The following SOS1 variants were observed in gnomAD, a reference collection of about 807,000 sequenced individuals.
SOS1 encodes the protein SOS Ras/Rac guanine nucleotide exchange factor 1.
A neutral mutation model predicts 157.6 loss-of-function variants in SOS1; 25 were observed. That is an observed-to-expected ratio of 0.16 (90% CI 0.12 to 0.22). The LOEUF is 0.22. Among genes scored for constraint, SOS1 ranks in the 10% least tolerant of loss-of-function variants. SOS1 has a pLI of 1.00. For missense variants in SOS1, 1,237 were observed against 1,599.1 expected (o/e 0.77, Z 3.86); for synonymous variants, 528 against 534.0 (o/e 0.99, Z 0.16).
At chr2:39,085,220 T>C (rs539859674) in intron 1 of SOS1, among the ~76,000 whole-genome samples, 2 of 152,016 alleles carry the variant, frequency 1.3e-5, no homozygotes, top group Non-Finnish European at 2.9e-5. Context: ...TAATTTTTCT[T>C]TTTTTTTGTA....
At chr2:39,030,723 T>C (rs542231923) in intron 8 of SOS1, among the ~76,000 whole-genome samples, 1 of 152,304 alleles carries the variant, frequency 6.6e-6, no homozygotes, top group South Asian at 2.1e-4. Context: ...ATGAAAGATG[T>C]ATTCAAGTCC....
At position 39,023,019 on chromosome 2, in the gene SOS1, C is replaced by T; in HGVS notation, c.1409G>A (p.Cys470Tyr). 3 of 1,613,728 alleles carry T rather than the reference C, an allele frequency of 1.9e-6. No individual in the cohort carries two copies. Among genetic ancestry groups the T allele is most frequent in the Non-Finnish European group, 2.5e-6 (3 of 1,179,752 alleles). The change falls in exon 10 of 23, where the codon TGC becomes TAC. Residue 470 changes from cysteine to tyrosine, a missense_variant. Physicochemically the swap from Cys to Tyr is radical, Grantham distance 194. Around this residue, in one of 15 missense-constraint regions of SOS1, gnomAD observed 210 missense variants for 220.2 expected, o/e 0.95. Coordinates refer to ENST00000402219, the MANE Select transcript of SOS1 (RefSeq NM_005633.4). ...HIFLFDGLMI[C>Y]CKSNHGQPRL... The stretch of plus-strand genomic sequence containing the variant: ...TGGCTGCCCATGATTTGATTTACAG[C>T]AAATCATTAAGCCATCAAAGAGAAA...
intron 1 of SOS1, among the ~76,000 whole-genome samples, chr2:39,109,233 T>C (rs1013959043): frequency 1.4e-4 from 22 of 152,020 alleles, no homozygotes; most frequent in Admixed American, 1.3e-3. Flanking sequence ...ATAAAATAAA[T>C]TAAATGTCAC....
chr2:38,988,449 T>G (rs1205517444), intron 21 of SOS1, among the ~76,000 whole-genome samples: 1 of 152,144 alleles, frequency 6.6e-6, no homozygotes, highest in Non-Finnish European at 1.5e-5. Flanking sequence ...AAAAAAGATG[T>G]GAAAAAAATA....
At chr2:39,082,852 C>G (rs1469420919) in intron 1 of SOS1, among the ~76,000 whole-genome samples, 3 of 152,078 alleles carry the variant, frequency 2.0e-5, no homozygotes, top group South Asian at 4.1e-4. Context: ...GGGGCATACA[C>G]GTAGACTGGG....
At chr2:39,098,640 A>G (rs1483551086) in intron 1 of SOS1, among the ~76,000 whole-genome samples, 1 of 152,248 alleles carries the variant, frequency 6.6e-6, no homozygotes, top group Non-Finnish European at 1.5e-5. Flanking sequence ...CTGTAATCCC[A>G]GCACTTTGGG....
chr2:39,069,732 G>A (rs574330839), intron 1 of SOS1, among the ~76,000 whole-genome samples: 11 of 152,186 alleles, frequency 7.2e-5, no homozygotes, highest in African/African-American at 2.4e-4. Flanking sequence ...ATTTTTAGTG[G>A]AGACGGGGTT....
At chr2:39,008,397 A>G (rs1245694287) in intron 15 of SOS1, among the ~76,000 whole-genome samples, 2 of 152,174 alleles carry the variant, frequency 1.3e-5, no homozygotes, top group Non-Finnish European at 2.9e-5. Context: ...CCAGCCCCAG[A>G]GCCCTGTTTC....
upstream of SOS1, among the ~76,000 whole-genome samples, chr2:39,122,383 T>C (rs1673919907): frequency 6.6e-6 from 1 of 151,372 alleles, no homozygotes; most frequent in South Asian, 2.1e-4. Flanking sequence ...TGAGCCGGGA[T>C]CATGCCACTG....
At position 39,120,650 on chromosome 2, in the gene SOS1, C is replaced by T. The variant is rs1673844473; in HGVS notation, c.-228G>A. On this transcript the variant is annotated 5_prime_UTR_variant, in exon 1 of 23. Coordinates refer to ENST00000402219, the MANE Select transcript of SOS1 (RefSeq NM_005633.4). ...ACCAGCCGTGGAGAACGGACGCGGC[C>T]CGGAGGCGGCGGCATCCCGCACCAC... The T allele has an allele frequency of 3.9e-6, 1 of 254,194 alleles. No individual in the cohort carries two copies. The allele number at this position is 254,194 out of a possible 1,614,324, so 15.7% of individuals were successfully genotyped here. A position where few individuals can be genotyped will look rare whatever the true frequency, so the allele number is the denominator to read the frequency against.
chr2:39,007,944 G>C (rs1489797537), intron 15 of SOS1, among the ~76,000 whole-genome samples: 6 of 152,122 alleles, frequency 3.9e-5, no homozygotes, highest in African/African-American at 1.4e-4. Context: ...AGAGGGGAGA[G>C]AGTCTGTGGT....
In SOS1 at chr2:38,996,948, G is replaced by C; in HGVS notation, c.3055C>G (p.Arg1019Gly). Residue 1019 changes from arginine to glycine, a missense_variant, in exon 19 of 23, where the codon CGA becomes GGA. By Grantham distance (125) the Arg-to-Gly change is moderately radical. This residue lies in a region of SOS1 where 43 missense variants were observed against 83.0 expected (regional missense o/e 0.52). Coordinates refer to ENST00000402219, the MANE Select transcript of SOS1 (RefSeq NM_005633.4). Reference sequence around the variant, plus strand: ...AATCTTGGGAGAGGCTTAGGGTTTCGTGGTTCTATTTCTAGGGATTTGTTG... The same window carrying C: ...AATCTTGGGAGAGGCTTAGGGTTTCCTGGTTCTATTTCTAGGGATTTGTTG... The part of the protein sequence containing the change: ...LFNKSLEIEP[R>G]NPKPLPRFPK... 1.3e-6 allele frequency: 2 copies of C among 1,580,988 alleles called. No individual in the cohort carries two copies. The highest frequency in any genetic ancestry group is 1.7e-6 in the Non-Finnish European group (2 of 1,150,144).
chr2:39,083,381 C>A (rs1672273575), intron 1 of SOS1, among the ~76,000 whole-genome samples: 1 of 152,026 alleles, frequency 6.6e-6, no homozygotes, highest in African/African-American at 2.4e-5. Flanking sequence ...TTAAGGAAGT[C>A]AGGAGAAGTA....
At position 39,054,781 on chromosome 2, in the gene SOS1, T is replaced by C. The variant is rs143962515; in HGVS notation, c.553A>G (p.Ile185Val). 271 of 1,557,822 alleles carry C rather than the reference T, an allele frequency of 1.7e-4. 2 individuals are homozygous for C. The highest frequency in any genetic ancestry group is 8.5e-4 in the Admixed American group (51 of 59,936). ...MFHQDVEDIN[I>V]LSLTDEEPST... The stretch of plus-strand genomic sequence containing the variant: ...GGCTCTTCGTCAGTTAAAGATAATA[T>C]ATTAATATCTTCTACATCTTGATGA... The change falls in exon 5 of 23, where the codon ATA becomes GTA. Residue 185 changes from isoleucine to valine, a missense_variant. Ile to Val is a conservative substitution (Grantham distance 29). Transcript: ENST00000402219.
chr2:39,002,768 G>T (rs1669146235), intron 17 of SOS1, among the ~76,000 whole-genome samples: 1 of 151,944 alleles, frequency 6.6e-6, no homozygotes, highest in African/African-American at 2.4e-5. Flanking sequence ...TTTTTATCAA[G>T]AATGTAGAGG....
At chr2:39,011,028 T>A (rs1669450959) in intron 14 of SOS1, among the ~76,000 whole-genome samples, 1 of 151,840 alleles carries the variant, frequency 6.6e-6, no homozygotes, top group Non-Finnish European at 1.5e-5. Flanking sequence ...CTTGGGTAGC[T>A]GGGATTACAG....
chr2:39,108,967 C>T (rs1367959209), intron 1 of SOS1, among the ~76,000 whole-genome samples: 3 of 151,312 alleles, frequency 2.0e-5, no homozygotes, highest in African/African-American at 7.3e-5. Context: ...GGGAGACTGA[C>T]GCAGGTGAAC....
At chr2:39,087,622 C>T (rs1283934941) in intron 1 of SOS1, among the ~76,000 whole-genome samples, 1 of 152,210 alleles carries the variant, frequency 6.6e-6, no homozygotes, top group African/African-American at 2.4e-5. Context: ...GCAATTATCA[C>T]CACCAGAGGA....
chr2:39,017,009 C>G lies in SOS1; in HGVS notation c.1859-2163G>C, dbSNP rs148340845. The stretch of plus-strand genomic sequence containing the variant: ...TAATGCTGGGAAAGCCATGATGTGT[C>G]TCAGTGCCACAGTCAAATGGGATCA... On this transcript the variant is annotated intron_variant, in intron 10 of 22. Transcript: ENST00000402219. Among the ~76,000 whole-genome samples the G allele has an allele frequency of 3.0e-3, 462 of 152,216 alleles. 2 individuals carry two copies. The highest frequency in any genetic ancestry group is 0.01 in the Middle Eastern group (3 of 294).
Sources: gnomAD v4.1 joint callset for allele counts (sites outside exome capture counted in the v4.1 genomes callset) on GRCh38, gnomAD v4.1.1 for gene constraint, gnomAD v4.1.1 regional missense constraint, MANE v1.5 for transcripts, NCBI Gene and HGNC (gene_info 2026-07-23, HGNC 2026-07-21) for gene names.